Variants in ITGB1 observed in about 807,000 individuals in gnomAD.
ITGB1 encodes integrin beta-1.
Under a neutral mutation model 86.5 loss-of-function variants are expected in ITGB1, and 24 were observed. The ratio of observed to expected loss-of-function variants is 0.28; its 90% CI spans 0.20 to 0.39. The LOEUF is 0.39. ITGB1 is among the 10% of genes least tolerant of loss of function. ITGB1 has a pLI of 1.00. For synonymous variants in ITGB1, 323 were observed against 316.8 expected, an observed-to-expected ratio of 1.02 and a Z score of -0.21; for missense variants, 556 against 946.9, an observed-to-expected ratio of 0.59 and a Z score of 5.42.
intron 15 of ITGB1, among the ~76,000 whole-genome samples, chr10:32,903,927 G>A (rs578080525): frequency 2.7e-5 from 4 of 149,678 alleles, no homozygotes; most frequent in East Asian, 2.0e-4. Flanking sequence ...AAATAAATTA[G>A]CATCTAATTA....
At chr10:32,925,315 T>C (rs2094961360) in intron 6 of ITGB1, among the ~76,000 whole-genome samples, 1 of 152,204 alleles carries the variant, frequency 6.6e-6, no homozygotes, top group Admixed American at 6.5e-5. Flanking sequence ...ATTACAAATA[T>C]TGTATCACTT....
rs149096754 is a variant in ITGB1 at position 32,917,437 on chromosome 10, T to G, written c.1469+2448A>C. Among the ~76,000 whole-genome samples the G allele has an allele frequency of 7.2e-3, 1,100 of 152,298 alleles. 17 individuals carry two copies. The highest frequency in any genetic ancestry group is 0.024 in the African/African-American group (978 of 41,564). On this transcript the variant is annotated intron_variant, in intron 11 of 15. Coordinates refer to ENST00000302278, the MANE Select transcript of ITGB1 (RefSeq NM_002211.4). ...AGAATGGGACACAATTTTTACAATC[T>G]ACCCATCTGACAAAGGGCTAATATC... is the stretch of plus-strand genomic sequence containing the variant.
chr10:32,941,655 G>C (rs934455722), intron 1 of ITGB1, among the ~76,000 whole-genome samples: 1 of 150,554 alleles, frequency 6.6e-6, no homozygotes, highest in African/African-American at 2.5e-5. Flanking sequence ...GAAAAGGACA[G>C]GGGGCAAGAC....
At chr10:32,951,870 G>C (rs1223548120) in intron 1 of ITGB1, 1 of 152,126 alleles carries the variant, frequency 6.6e-6, no homozygotes, top group Non-Finnish European at 1.5e-5. Flanking sequence ...ATGATCAACG[G>C]TATCAATAAG....
chr10:32,904,582 C>T (rs988885309), intron 15 of ITGB1, among the ~76,000 whole-genome samples: 2 of 152,190 alleles, frequency 1.3e-5, no homozygotes, highest in African/African-American at 4.8e-5. Flanking sequence ...AAGTAATTAG[C>T]GCCTGCCCAT....
At chr10:32,924,485 TG>T (rs747613686) in intron 6 of ITGB1, among the ~76,000 whole-genome samples, 10 of 152,190 alleles carry the variant, frequency 6.6e-5, no homozygotes, top group Non-Finnish European at 1.0e-4. Context: ...TACTTTAAGG[TG>T]GGAATCACAT....
At chr10:32,916,942 T>C (rs539725621) in intron 11 of ITGB1, among the ~76,000 whole-genome samples, 1 of 152,242 alleles carries the variant, frequency 6.6e-6, no homozygotes, top group African/African-American at 2.4e-5. Flanking sequence ...CTTCAAACTA[T>C]ACTACAAGGC....
intron 11 of ITGB1, among the ~76,000 whole-genome samples, chr10:32,918,937 A>C (rs2094940362): frequency 6.6e-6 from 1 of 152,250 alleles, no homozygotes; most frequent in African/African-American, 2.4e-5. Flanking sequence ...GTATTTTTAG[A>C]ACACATAATG....
At chr10:32,929,608 A>C (rs984221751) in intron 4 of ITGB1, among the ~76,000 whole-genome samples, 1 of 152,230 alleles carries the variant, frequency 6.6e-6, no homozygotes, top group Non-Finnish European at 1.5e-5. Flanking sequence ...ATTTACTTTG[A>C]ATATTAGGCA....
At chr10:32,913,254 T>A (rs538328523) in intron 11 of ITGB1, among the ~76,000 whole-genome samples, 1 of 152,144 alleles carries the variant, frequency 6.6e-6, no homozygotes, top group Admixed American at 6.5e-5. Context: ...TTTGAGCACC[T>A]CTTCTCCTCC....
intron 1 of ITGB1, among the ~76,000 whole-genome samples, chr10:32,941,460 AC>A (rs2095018040): frequency 6.6e-6 from 1 of 152,226 alleles, no homozygotes; most frequent in Non-Finnish European, 1.5e-5. Flanking sequence ...TATTTCTGAG[AC>A]TTAAATTATG....
intron 5 of ITGB1, among the ~76,000 whole-genome samples, chr10:32,927,529 C>A (rs907827417): frequency 6.6e-6 from 1 of 152,174 alleles, no homozygotes; most frequent in Non-Finnish European, 1.5e-5. Context: ...TGGTGGCTCA[C>A]GCCTGTAGTC....
At chr10:32,922,393 A>T (rs2094952995) in intron 8 of ITGB1, 47 bp from the exon 9 acceptor site, 1 of 1,300,460 alleles carries the variant, frequency 7.7e-7, no homozygotes, top group African/African-American at 1.5e-5. Context: ...CTATTCATTC[A>T]ACCAATTAGG....
At chr10:32,915,853 C>G (rs1233551890) in intron 11 of ITGB1, among the ~76,000 whole-genome samples, 1 of 152,164 alleles carries the variant, frequency 6.6e-6, no homozygotes, top group Non-Finnish European at 1.5e-5. Flanking sequence ...CTGGCAGAGA[C>G]ACAACAAAGA....
At chr10:32,949,975 A>G (rs1461212380) in intron 1 of ITGB1, among the ~76,000 whole-genome samples, 1 of 152,188 alleles carries the variant, frequency 6.6e-6, no homozygotes, top group African/African-American at 2.4e-5. Context: ...TTCATTTCAG[A>G]GTTGAAAAAT....
intron 11 of ITGB1, among the ~76,000 whole-genome samples, chr10:32,918,743 T>C (rs1474742371): frequency 1.3e-5 from 2 of 152,220 alleles, no homozygotes; most frequent in African/African-American, 4.8e-5. Context: ...TTACATTTAC[T>C]ATTCCAGGTG....
intron 1 of ITGB1, among the ~76,000 whole-genome samples, chr10:32,942,943 G>C (rs144651083): frequency 1.6e-4 from 24 of 152,244 alleles, no homozygotes; most frequent in Middle Eastern, 6.8e-3. Flanking sequence ...ATGAGTCCAG[G>C]AGTTGGAAGC....
At position 32,932,683 on chromosome 10, in the gene ITGB1, G is replaced by A. The variant is rs532807650; in HGVS notation, c.68-83C>T. ...GAAAAATCAGAATCACAATGACAATGCAATACATATGTTAAATATTAATAC... is the reference window on the plus strand; with the variant it reads ...GAAAAATCAGAATCACAATGACAATACAATACATATGTTAAATATTAATAC... On this transcript the variant is annotated intron_variant, in intron 2 of 15. Coordinates refer to ENST00000302278, the MANE Select transcript of ITGB1 (RefSeq NM_002211.4). The A allele has an allele frequency of 2.2e-5, 17 of 789,668 alleles. No individual in the cohort carries two copies. In the East Asian group the frequency reaches 4.1e-4, roughly 19 times the overall value. 48.9% of individuals were successfully genotyped at this position (789,668 alleles called of 1,614,324 possible).
chr10:32,938,086 T>C (rs986432325), intron 1 of ITGB1, among the ~76,000 whole-genome samples: 1 of 152,248 alleles, frequency 6.6e-6, no homozygotes, highest in Non-Finnish European at 1.5e-5. Flanking sequence ...ATATCACTTG[T>C]GACTGTATCC....
Sources: allele counts gnomAD v4.1 joint callset (sites outside exome capture counted in the v4.1 genomes callset), GRCh38; gene constraint gnomAD v4.1.1; transcripts MANE v1.5; gene names NCBI Gene and HGNC (gene_info 2026-07-23, HGNC 2026-07-21).